Variants in RIF1 observed in about 807,000 individuals in gnomAD.
The protein encoded by RIF1 is replication timing regulatory factor 1, also known as telomere-associated protein RIF1.
In RIF1, 45 loss-of-function variants were observed where a neutral mutation model predicts 247.1. The observed-to-expected ratio is 0.18, with a 90% CI of 0.14 to 0.23. RIF1 has a LOEUF of 0.23. RIF1 is among the 10% of genes least tolerant of loss of function. The pLI is 1.00. For synonymous variants in RIF1, 1,087 were observed against 978.8 expected (o/e 1.11, Z -2.06); for missense variants, 2,967 against 2,862.5 (o/e 1.04, Z -0.83).
chr2:151,525,213 C>T, the RIF1 span: 1 of 1,613,854 alleles, frequency 6.2e-7, no homozygotes, highest in African/African-American at 1.3e-5. Flanking sequence ...TCTGGTGGCT[C>T]CAGCATGATG....
In RIF1 at chr2:151,462,849, T is replaced by G. The variant is rs752655774; in HGVS notation, c.3364-35T>G. 4 of 1,423,146 alleles carry G rather than the reference T, an allele frequency of 2.8e-6. No individual in the cohort carries two copies. In the South Asian group the frequency reaches 5.5e-5, roughly 20 times the overall value. The allele number at this position is 1,423,146 out of a possible 1,614,324, so 88.2% of individuals were successfully genotyped here. ...CAAACTCGTTTGCTGGTTATTAATC[T>G]GTGTGTGTATATATATGTATATATT... On this transcript the variant is annotated intron_variant, in intron 29 of 35. Transcript: ENST00000444746.
chr2:151,470,207 T>C (rs933186548), intron 34 of RIF1, among the ~76,000 whole-genome samples: 5 of 133,872 alleles, frequency 3.7e-5, no homozygotes, highest in Non-Finnish European at 7.2e-5. Flanking sequence ...ATTTTTCTTA[T>C]TTTTCCTTTT....
intron 9 of RIF1, chr2:151,494,352 C>A: frequency 1.2e-6 from 1 of 811,180 alleles, no homozygotes; most frequent in South Asian, 1.6e-5. Flanking sequence ...TCTTTAGGGC[C>A]CCAAACCATT....
chr2:151,455,483 A>G (rs1182269325), intron 22 of RIF1, among the ~76,000 whole-genome samples: 2 of 152,182 alleles, frequency 1.3e-5, no homozygotes, highest in Non-Finnish European at 2.9e-5. Flanking sequence ...GCAATTAATT[A>G]TATGGTATGC....
downstream of RIF1, among the ~76,000 whole-genome samples, chr2:151,508,706 C>T (rs2071360415): frequency 6.6e-6 from 1 of 152,200 alleles, no homozygotes; most frequent in African/African-American, 2.4e-5. Context: ...ACTGGCAGCT[C>T]TACCAAACAG....
chr2:151,530,933 G>A, the RIF1 span: 1 of 1,111,726 alleles, frequency 9.0e-7, no homozygotes, highest in African/African-American at 1.5e-5. Flanking sequence ...ACCAGGGTTT[G>A]TTACATCTCA....
In RIF1 at chr2:151,460,089, T is replaced by TA; in HGVS notation, c.3051dup (p.Glu1018ArgfsTer12). The TA allele has an allele frequency of 6.4e-7, 1 of 1,569,184 alleles. No homozygotes were observed. The highest frequency in any genetic ancestry group is 8.7e-7 in the Non-Finnish European group (1 of 1,153,718). Reference sequence around the variant, plus strand: ...ATTCATTTTTGGCACAAACAAAGAATAAAAAAGAAAATATGAAACCAGCAG... The same window carrying TA: ...ATTCATTTTTGGCACAAACAAAGAATAAAAAAAGAAAATATGAAACCAGCAG... On this transcript the variant is annotated frameshift_variant, in exon 26 of 36. Transcript: ENST00000444746. LOFTEE classifies it high-confidence loss of function.
intron 24 of RIF1, among the ~76,000 whole-genome samples, chr2:151,458,272 G>A (rs1031793924): frequency 8.0e-6 from 1 of 124,342 alleles, no homozygotes; most frequent in African/African-American, 3.0e-5. Context: ...TCACTCTGTC[G>A]CCCAGGCTGG....
intron 19 of RIF1, among the ~76,000 whole-genome samples, chr2:151,445,695 A>T (rs1693144559): frequency 6.6e-6 from 1 of 151,580 alleles, no homozygotes. Flanking sequence ...TTACAGGACC[A>T]TGCCACTGCG....
chr2:151,413,884 TA>T (rs1686718943), intron 3 of RIF1, among the ~76,000 whole-genome samples: 1 of 152,250 alleles, frequency 6.6e-6, no homozygotes, highest in African/African-American at 2.4e-5. Context: ...GTTTTGAAGA[TA>T]AATCCCTTTG....
At chr2:151,534,229 C>T in the RIF1 span, 27 of 1,613,252 alleles carry the variant, frequency 1.7e-5, no homozygotes, top group Non-Finnish European at 1.9e-5. Flanking sequence ...CTGATCTGGT[C>T]GCCTGCGGTC....
chr2:151,498,029 C>T, intron 10 of RIF1: 1 of 1,440,056 alleles, frequency 6.9e-7, no homozygotes, highest in East Asian at 2.5e-5. Context: ...TGTTGTTATC[C>T]ACACAAATGG....
chr2:151,493,879 A>AAAGTC, intron 9 of RIF1: 1 of 1,500,448 alleles, frequency 6.7e-7, no homozygotes, highest in Non-Finnish European at 9.0e-7. Flanking sequence ...TGTGAGATAC[A>AAAGTC]AAGTCATGCC....
Position 151,433,930 on chromosome 2 carries a change from G to A in RIF1, c.1077+702G>A, listed in dbSNP as rs555205011. 2.6e-5 allele frequency among the ~76,000 whole-genome samples: 4 copies of A among 152,086 alleles called. No homozygotes were observed. In the South Asian group the frequency reaches 6.2e-4, roughly 24 times the overall value. ...CTCATGCCTGTAGTCCTAGCACTTT[G>A]GGAGGCAGAGGCAGGTGGGTTGCCT... On this transcript the variant is annotated intron_variant, in intron 10 of 35. Coordinates refer to ENST00000444746, the MANE Select transcript of RIF1 (RefSeq NM_018151.5).
At chr2:151,503,023 T>G (rs1341999614) in intron 11 of RIF1, 3 of 615,568 alleles carry the variant, frequency 4.9e-6, no homozygotes, top group African/African-American at 1.9e-5. Flanking sequence ...ATGTTTTTAC[T>G]TTTTTCACAG....
At chr2:151,512,905 A>T, downstream of RIF1, 3 of 1,032,200 alleles carry the variant, frequency 2.9e-6, no homozygotes, top group Admixed American at 6.0e-5. Context: ...GCTTGATTTG[A>T]TTAAGAGGTG....
chr2:151,468,219 A>C, intron 31 of RIF1, 73 bp downstream of exon 31: 1 of 1,342,766 alleles, frequency 7.4e-7, no homozygotes, highest in Non-Finnish European at 1.0e-6. Flanking sequence ...GTGTCATAAA[A>C]TGAACTATAT....
Position 151,451,670 on chromosome 2 carries a change from C to T in RIF1, c.2309C>T (p.Ser770Leu), listed in dbSNP as rs777305599. The change falls in exon 21 of 36, where the codon TCA becomes TTA. Residue 770 changes from serine (S) to leucine (L), a missense_variant. Coordinates refer to ENST00000444746, the MANE Select transcript of RIF1 (RefSeq NM_018151.5). ...ITVMVDCIDF[S>L]PYNIKYQPKV... is the part of the protein sequence containing the mutation. Reference sequence around the variant, plus strand: ...GTAATGGTTGATTGCATTGACTTCTCACCATATAATATTAAATATCAGCCC... The same window carrying T: ...GTAATGGTTGATTGCATTGACTTCTTACCATATAATATTAAATATCAGCCC... 6 of 1,466,104 alleles carry T rather than the reference C, an allele frequency of 4.1e-6. No individual in the cohort carries two copies. The South Asian group carries it at 6.8e-5, about 17-fold the overall frequency. The allele number at this position is 1,466,104 out of a possible 1,614,324, so 90.8% of individuals were successfully genotyped here.
intron 31 of RIF1, 78 bp downstream of exon 31, chr2:151,468,224 C>A: frequency 7.5e-7 from 1 of 1,324,904 alleles, no homozygotes; most frequent in Non-Finnish European, 1.0e-6. Flanking sequence ...ATAAAATGAA[C>A]TATATATGTG....
Sources: gnomAD v4.1 joint callset for allele counts (sites outside exome capture counted in the v4.1 genomes callset) on GRCh38, gnomAD v4.1.1 for gene constraint, MANE v1.5 for transcripts, NCBI Gene and HGNC (gene_info 2026-07-23, HGNC 2026-07-21) for gene names.